Variants in PTPRD observed in about 807,000 individuals in gnomAD.
PTPRD encodes the protein protein tyrosine phosphatase receptor type D.
A neutral mutation model predicts 214.5 loss-of-function variants in PTPRD; 34 were observed. The ratio of observed to expected loss-of-function variants is 0.16; its 90% CI spans 0.12 to 0.21. The LOEUF (loss-of-function observed/expected upper bound fraction) is 0.21, where lower values mean the gene tolerates loss of function less well. Among genes scored for constraint, PTPRD ranks in the 10% least tolerant of loss-of-function variants. PTPRD has a pLI of 1.00. For synonymous variants in PTPRD, 1,128 were observed against 845.7 expected, an observed-to-expected ratio of 1.33 and a Z score of -5.79; for missense variants, 2,545 against 2,398.7, an observed-to-expected ratio of 1.06 and a Z score of -1.27.
At chr9:9,323,893 A>G (rs1293055811) in intron 9 of PTPRD, among the ~76,000 whole-genome samples, 1 of 152,034 alleles carries the variant, frequency 6.6e-6, no homozygotes, top group Non-Finnish European at 1.5e-5. Context: ...GCTGTGTCCA[A>G]GTGTTCTCAT....
chr9:8,619,861 A>G lies in PTPRD; in HGVS notation c.352+13456T>C, dbSNP rs2095756073. Reference sequence around the variant, plus strand: ...CATTACACTCGATTGTATCCTTTGCAAGATAGCATTAAAGGGCAATATATG... The same window carrying G: ...CATTACACTCGATTGTATCCTTTGCGAGATAGCATTAAAGGGCAATATATG... On this transcript the variant is annotated intron_variant, in intron 14 of 45. Transcript: ENST00000381196. Among the ~76,000 whole-genome samples, 3 of 152,188 alleles carry G rather than the reference A, an allele frequency of 2.0e-5. 1 individual carries two copies. The South Asian group carries it at 6.2e-4, about 32-fold the overall frequency.
chr9:9,893,025 G>C (rs1441472731), intron 5 of PTPRD, among the ~76,000 whole-genome samples: 1 of 152,052 alleles, frequency 6.6e-6, no homozygotes, highest in Non-Finnish European at 1.5e-5. Context: ...TTGGACATCA[G>C]ACACTCACTT....
chr9:8,359,315 G>C (rs1330670273), intron 39 of PTPRD, among the ~76,000 whole-genome samples: 1 of 151,256 alleles, frequency 6.6e-6, no homozygotes, highest in Non-Finnish European at 1.5e-5. Flanking sequence ...GGGTCAAGCA[G>C]TTTGAATTTT....
At chr9:8,373,815 T>TGTAC (rs1286039076) in intron 39 of PTPRD, among the ~76,000 whole-genome samples, 1 of 96,244 alleles carries the variant, frequency 1.0e-5, no homozygotes, top group Non-Finnish European at 1.7e-5. Context: ...TATGTATGTA[T>TGTAC]GTATGTATGT....
At chr9:9,483,300 A>G (rs902084407) in intron 8 of PTPRD, among the ~76,000 whole-genome samples, 3 of 152,160 alleles carry the variant, frequency 2.0e-5, no homozygotes, top group African/African-American at 7.2e-5. Context: ...GTAATTTCAT[A>G]CAGCAAGTAC....
intron 9 of PTPRD, among the ~76,000 whole-genome samples, chr9:9,204,479 G>A (rs1180681799): frequency 6.6e-6 from 1 of 152,108 alleles, no homozygotes; most frequent in African/African-American, 2.4e-5. Flanking sequence ...ACTTTACAGA[G>A]TTTCCTAGCC....
chr9:9,754,777 A>G (rs1359791580), intron 6 of PTPRD, among the ~76,000 whole-genome samples: 1 of 152,060 alleles, frequency 6.6e-6, no homozygotes, highest in Non-Finnish European at 1.5e-5. Flanking sequence ...TTCTGCATTT[A>G]GCATGTGAGG....
intron 3 of PTPRD, among the ~76,000 whole-genome samples, chr9:10,257,740 C>A (rs1180133831): frequency 6.6e-6 from 1 of 152,046 alleles, no homozygotes; most frequent in African/African-American, 2.4e-5. Context: ...GGGCATAGAC[C>A]AACGTAGGCC....
chr9:9,871,162 A>G (rs756077431), intron 5 of PTPRD, among the ~76,000 whole-genome samples: 3 of 152,194 alleles, frequency 2.0e-5, no homozygotes, highest in Non-Finnish European at 4.4e-5. Flanking sequence ...ATTAGAAAGA[A>G]AATAAAATAA....
At chr9:8,886,843 G>A (rs747988399) in intron 11 of PTPRD, among the ~76,000 whole-genome samples, 12 of 152,162 alleles carry the variant, frequency 7.9e-5, no homozygotes, top group African/African-American at 2.4e-4. Flanking sequence ...ATACAGAGGC[G>A]TTGTCAGGCC....
chr9:8,486,352 G>T lies in PTPRD; in HGVS notation c.2468-3C>A. The T allele has an allele frequency of 2.5e-6, 4 of 1,612,904 alleles. No individual in the cohort carries two copies. Among genetic ancestry groups the T allele is most frequent in the Non-Finnish European group, 3.4e-6 (4 of 1,178,932 alleles). Reference sequence around the variant, plus strand: ...CACAAGCCGAGGTTTCCCTGGAACTGGAGCACATGGGATGGAGTGGTAAGA... The same window carrying T: ...CACAAGCCGAGGTTTCCCTGGAACTTGAGCACATGGGATGGAGTGGTAAGA... On this transcript the variant is annotated splice_region_variant and splice_polypyrimidine_tract_variant and intron_variant, in intron 27 of 45. Transcript: ENST00000381196.
At chr9:9,660,475 A>C (rs986220841) in intron 7 of PTPRD, among the ~76,000 whole-genome samples, 1 of 151,976 alleles carries the variant, frequency 6.6e-6, no homozygotes, top group African/African-American at 2.4e-5. Context: ...AGTTTAATAG[A>C]TAATATTTTT....
At chr9:8,933,032 G>T (rs926149132) in intron 11 of PTPRD, among the ~76,000 whole-genome samples, 3 of 152,194 alleles carry the variant, frequency 2.0e-5, no homozygotes, top group Middle Eastern at 3.4e-3. Context: ...TCTACAGGTT[G>T]CGAAGACCAT....
At chr9:8,918,019 A>C (rs780068355) in intron 11 of PTPRD, among the ~76,000 whole-genome samples, 10 of 152,198 alleles carry the variant, frequency 6.6e-5, no homozygotes, top group Non-Finnish European at 1.5e-4. Context: ...GGGCCTCAGA[A>C]TCAACAGCGT....
chr9:8,556,626 C>T (rs968841195), intron 14 of PTPRD, among the ~76,000 whole-genome samples: 1 of 151,878 alleles, frequency 6.6e-6, no homozygotes, highest in Non-Finnish European at 1.5e-5. Context: ...TCTTTCCTAT[C>T]CAAGGAGTCC....
chr9:9,868,489 A>G (rs2153706362), intron 5 of PTPRD, among the ~76,000 whole-genome samples: 1 of 152,246 alleles, frequency 6.6e-6, no homozygotes, highest in African/African-American at 2.4e-5. Flanking sequence ...ATTGTAGTCA[A>G]GAGAGAAAGA....
chr9:10,588,893 AT>A (rs1162100966), intron 2 of PTPRD, among the ~76,000 whole-genome samples: 1 of 151,980 alleles, frequency 6.6e-6, no homozygotes, highest in African/African-American at 2.4e-5. Flanking sequence ...AGTATCTAAT[AT>A]ATTTTTTCTT....
chr9:8,619,429 C>A (rs1479995386), intron 14 of PTPRD, among the ~76,000 whole-genome samples: 2 of 151,598 alleles, frequency 1.3e-5, no homozygotes, highest in African/African-American at 4.8e-5. Flanking sequence ...TTCCACAAAT[C>A]AGTGAGATCC....
At chr9:10,346,115 T>C (rs1469927751) in intron 2 of PTPRD, among the ~76,000 whole-genome samples, 1 of 152,214 alleles carries the variant, frequency 6.6e-6, no homozygotes, top group African/African-American at 2.4e-5. Context: ...GCAGTGATAG[T>C]ATTTGAAATT....
Sources: allele counts gnomAD v4.1 joint callset (sites outside exome capture counted in the v4.1 genomes callset), GRCh38; gene constraint gnomAD v4.1.1; transcripts MANE v1.5; gene names NCBI Gene and HGNC (gene_info 2026-07-23, HGNC 2026-07-21).